RBPMS: variants seen among roughly 807,000 people sequenced by gnomAD.
RBPMS encodes the protein RNA binding protein, mRNA processing factor.
Under a neutral mutation model 26.8 loss-of-function variants are expected in RBPMS, and 7 were observed. The observed-to-expected ratio is 0.26, with a 90% CI of 0.15 to 0.49. RBPMS has a LOEUF of 0.49. Among genes scored for constraint, RBPMS ranks in the 20% least tolerant of loss-of-function variants. RBPMS has a pLI of 0.98. For missense variants in RBPMS, 186 were observed against 250.0 expected (o/e 0.74, Z 1.73); for synonymous variants, 96 against 93.3 (o/e 1.03, Z -0.17).
At chr8:30,519,458 C>CTTT (rs36017963) in intron 5 of RBPMS, among the ~76,000 whole-genome samples, 1 of 89,460 alleles carries the variant, frequency 1.1e-5, no homozygotes, top group Admixed American at 1.5e-4. Flanking sequence ...GGATCTCTCT[C>CTTT]TTTTTTTTTT....
At chr8:30,568,310 G>T (rs912087314) in intron 8 of RBPMS, among the ~76,000 whole-genome samples, 5 of 152,088 alleles carry the variant, frequency 3.3e-5, no homozygotes, top group Non-Finnish European at 7.3e-5. Flanking sequence ...TTAGGTCAAG[G>T]AGCTGCAGAT....
intron 6 of RBPMS, among the ~76,000 whole-genome samples, chr8:30,551,943 G>A (rs993185282): frequency 2.6e-5 from 4 of 152,202 alleles, no homozygotes; most frequent in African/African-American, 9.7e-5. Flanking sequence ...TAAAGTCATA[G>A]TTATGATTAA....
chr8:30,518,687 C>CTTTTTTTGTTTTTTTTT (rs1822628990), intron 5 of RBPMS, among the ~76,000 whole-genome samples: 1 of 18,236 alleles, frequency 5.5e-5, no homozygotes, highest in Non-Finnish European at 9.8e-5. Context: ...CCAAGCATGA[C>CTTTTTTTGTTTTTTTTT]TTTTTTTTTT....
At chr8:30,408,266 A>T (rs924638526) in intron 1 of RBPMS, among the ~76,000 whole-genome samples, 4 of 152,162 alleles carry the variant, frequency 2.6e-5, no homozygotes, top group African/African-American at 4.8e-5. Context: ...ACAGTGCCTC[A>T]CACCAGCAAT....
At chr8:30,460,905 G>A (rs879566238) in intron 1 of RBPMS, among the ~76,000 whole-genome samples, 12 of 152,094 alleles carry the variant, frequency 7.9e-5, no homozygotes, top group Non-Finnish European at 1.6e-4. Context: ...CAAAAAATTA[G>A]CCAGGCATGG....
At chr8:30,558,487 C>T (rs1585883944) in intron 6 of RBPMS, 1 of 306,810 alleles carries the variant, frequency 3.3e-6, no homozygotes, top group Admixed American at 4.3e-5. Context: ...CCTTCCTTAC[C>T]AAAGCAGCTA....
intron 6 of RBPMS, among the ~76,000 whole-genome samples, chr8:30,548,422 T>C (rs1826032354): frequency 6.6e-6 from 1 of 152,162 alleles, no homozygotes; most frequent in Admixed American, 6.6e-5. Flanking sequence ...GAAGCTTCTG[T>C]AGGTAAGTAG....
intron 7 of RBPMS, 199 bp from the exon 8 acceptor site, chr8:30,566,058 C>T (rs1827866799): frequency 6.4e-6 from 1 of 155,118 alleles, no homozygotes; most frequent in Non-Finnish European, 1.4e-5. Flanking sequence ...GTTTTCCTGG[C>T]TGAGAGCTTT....
At chr8:30,528,390 C>A (rs1481238867) in intron 5 of RBPMS, among the ~76,000 whole-genome samples, 1 of 151,986 alleles carries the variant, frequency 6.6e-6, no homozygotes, top group East Asian at 1.9e-4. Flanking sequence ...GTGGACAGGA[C>A]ATGTAGGATG....
chr8:30,429,711 T>C (rs2150662207), intron 1 of RBPMS, among the ~76,000 whole-genome samples: 1 of 152,316 alleles, frequency 6.6e-6, no homozygotes, highest in African/African-American at 2.4e-5. Context: ...GGTGTCTACA[T>C]AGTTTCTAAG....
At chr8:30,569,024 T>C (rs934314695) in intron 8 of RBPMS, among the ~76,000 whole-genome samples, 1 of 151,772 alleles carries the variant, frequency 6.6e-6, no homozygotes, top group Non-Finnish European at 1.5e-5. Flanking sequence ...GCTCAGGGGC[T>C]GGGGCATTGG....
intron 5 of RBPMS, among the ~76,000 whole-genome samples, chr8:30,529,326 ACTAT>A (rs562129902): frequency 7.9e-4 from 120 of 152,052 alleles, no homozygotes; most frequent in Middle Eastern, 3.4e-3. Flanking sequence ...ATCCATCACC[ACTAT>A]CTATTTCCAA....
At chr8:30,447,742 C>T (rs1017426193) in intron 1 of RBPMS, among the ~76,000 whole-genome samples, 2 of 151,990 alleles carry the variant, frequency 1.3e-5, no homozygotes, top group African/African-American at 4.8e-5. Flanking sequence ...TTTATTGTGT[C>T]TATACAAAAT....
At chr8:30,518,825 A>G (rs1822674253) in intron 5 of RBPMS, among the ~76,000 whole-genome samples, 1 of 149,484 alleles carries the variant, frequency 6.7e-6, no homozygotes. Flanking sequence ...AGTGTAAGCC[A>G]GTATGACCTA....
At chr8:30,473,837 A>G (rs950981256) in intron 1 of RBPMS, among the ~76,000 whole-genome samples, 1 of 152,172 alleles carries the variant, frequency 6.6e-6, no homozygotes, top group African/African-American at 2.4e-5. Context: ...AAACTAACAC[A>G]GGAACAGAAA....
chr8:30,549,561 C>G (rs369018095), intron 6 of RBPMS: 2 of 1,614,044 alleles, frequency 1.2e-6, no homozygotes, highest in Non-Finnish European at 1.7e-6. Context: ...CCTGATAGTG[C>G]CAGCCTGGCC....
intron 4 of RBPMS, among the ~76,000 whole-genome samples, chr8:30,492,782 T>C (rs764427125): frequency 6.6e-6 from 1 of 152,254 alleles, no homozygotes; most frequent in Admixed American, 6.5e-5. Context: ...TTCAGTAATA[T>C]AGACTGGCTT....
At chr8:30,532,626 T>C (rs575935582) in intron 5 of RBPMS, among the ~76,000 whole-genome samples, 1 of 152,280 alleles carries the variant, frequency 6.6e-6, no homozygotes, top group South Asian at 2.1e-4. Flanking sequence ...TGAAGCTTAT[T>C]GAGTCACCTT....
rs555683875 is a variant in RBPMS, at chr8:30,446,590, C to T, written c.67-28189C>T. On this transcript the variant is annotated intron_variant, in intron 1 of 8. Transcript: ENST00000397323. ...AGTAATGTGGCTTAACCATAATAGG[C>T]ATTTATTTCTCTCTCATGTAAAAGC... Among the ~76,000 whole-genome samples, 4 of 152,218 alleles carry T rather than the reference C, an allele frequency of 2.6e-5. No homozygotes were observed. The East Asian group carries it at 7.7e-4, about 29-fold the overall frequency.
Sources: allele counts gnomAD v4.1 joint callset (sites outside exome capture counted in the v4.1 genomes callset), GRCh38; gene constraint gnomAD v4.1.1; transcripts MANE v1.5; gene names NCBI Gene and HGNC (gene_info 2026-07-23, HGNC 2026-07-21).